Variants in DOP1B observed in about 807,000 individuals in gnomAD.
The protein encoded by DOP1B is DOP1 leucine zipper like protein B, also known as protein DOP1B.
DOP1B carries 174 observed loss-of-function variants against 233.5 expected under a neutral mutation model. The ratio of observed to expected loss-of-function variants is 0.75; its 90% confidence interval spans 0.66 to 0.85. DOP1B has a LOEUF of 0.85. DOP1B is among the 40% of genes least tolerant of loss of function. DOP1B has a pLI of 0.00. For synonymous variants in DOP1B, 1,190 were observed against 1,185.6 expected, an observed-to-expected ratio of 1.00 and a Z score of -0.08; for missense variants, 2,652 against 2,846.6, an observed-to-expected ratio of 0.93 and a Z score of 1.56.
chr21:36,251,719 C>A (rs1199573992), intron 22 of DOP1B, among the ~76,000 whole-genome samples: 1 of 152,160 alleles, frequency 6.6e-6, no homozygotes, highest in East Asian at 1.9e-4. Flanking sequence ...CCACACCTTG[C>A]CGATTTCATC....
chr21:36,212,083 A>G lies in DOP1B; in HGVS notation c.890A>G (p.Tyr297Cys). 5 of 1,610,896 alleles carry G rather than the reference A, an allele frequency of 3.1e-6. No homozygotes were observed. The highest frequency in any genetic ancestry group is 1.3e-5 in the African/African-American group (1 of 74,794). Residue 297 changes from tyrosine (Y) to cysteine (C), a missense_variant, in exon 7 of 37, where the codon TAT becomes TGT. Tyr to Cys is a radical substitution (Grantham distance 194). Transcript: ENST00000691173. Reference protein sequence around the residue: ...RRDMSLNRRLYAWLLGSDIKG... With the variant: ...RRDMSLNRRLCAWLLGSDIKG... ...GACATGTCCCTGAACAGAAGACTGTATGCATGGTTACTAGGTACTGAGCAG... is the reference window on the plus strand; with the variant it reads ...GACATGTCCCTGAACAGAAGACTGTGTGCATGGTTACTAGGTACTGAGCAG...
chr21:36,260,201 G>A (rs1017706461), intron 23 of DOP1B, among the ~76,000 whole-genome samples: 2 of 147,616 alleles, frequency 1.4e-5, no homozygotes, highest in Non-Finnish European at 3.0e-5. Context: ...AAAGAAAAAG[G>A]AAAGGGAAGG....
At chr21:36,276,687 A>G (rs920948993) in intron 27 of DOP1B, among the ~76,000 whole-genome samples, 2 of 151,986 alleles carry the variant, frequency 1.3e-5, no homozygotes, top group Admixed American at 1.3e-4. Context: ...CTAAAAATAC[A>G]AAAATTAGCC....
chr21:36,252,175 TAA>T (rs77251657), intron 22 of DOP1B, among the ~76,000 whole-genome samples: 4 of 147,362 alleles, frequency 2.7e-5, no homozygotes, highest in Admixed American at 1.4e-4. Flanking sequence ...AGTCCCTATC[TAA>T]AAAAAAAAAA....
At chr21:36,277,549 G>A (rs754706502) in intron 28 of DOP1B, among the ~76,000 whole-genome samples, 1 of 152,070 alleles carries the variant, frequency 6.6e-6, no homozygotes, top group Non-Finnish European at 1.5e-5. Context: ...CCAAAGAGCT[G>A]GGATTACAGG....
intron 15 of DOP1B, among the ~76,000 whole-genome samples, chr21:36,234,102 C>T (rs538612506): frequency 6.6e-6 from 1 of 152,142 alleles, no homozygotes; most frequent in South Asian, 2.1e-4. Context: ...GTTTGGGAGG[C>T]CCGCCTCAGC....
intron 13 of DOP1B, among the ~76,000 whole-genome samples, chr21:36,228,364 G>A (rs989889608): frequency 1.1e-4 from 16 of 152,138 alleles, no homozygotes; most frequent in Admixed American, 1.0e-3. Flanking sequence ...TTGGGAGGCT[G>A]AGGCTGGAGA....
chr21:36,209,448 C>T (rs552671900), intron 5 of DOP1B, among the ~76,000 whole-genome samples: 41 of 152,332 alleles, frequency 2.7e-4, no homozygotes, highest in African/African-American at 9.4e-4. Context: ...CTTCTGGAGG[C>T]CCCTGGCTTT....
At chr21:36,287,818 C>G (rs930210154) in intron 32 of DOP1B, among the ~76,000 whole-genome samples, 196 bp from the exon 33 acceptor site, 8 of 152,000 alleles carry the variant, frequency 5.3e-5, no homozygotes, top group Non-Finnish European at 1.0e-4. Context: ...AACTCCTTAT[C>G]TTGTTATCCG....
At chr21:36,227,649 C>A in intron 12 of DOP1B, 37 bp from the exon 13 acceptor site, 1 of 1,433,802 alleles carries the variant, frequency 7.0e-7, no homozygotes, top group South Asian at 1.6e-5. Flanking sequence ...GATTGTGAAC[C>A]AACATTGTGG....
chr21:36,281,061 T>C (rs2067410113), intron 31 of DOP1B, among the ~76,000 whole-genome samples: 1 of 152,130 alleles, frequency 6.6e-6, no homozygotes, highest in Non-Finnish European at 1.5e-5. Context: ...CCCAGCACTT[T>C]GAGTGGCTGA....
intron 2 of DOP1B, among the ~76,000 whole-genome samples, chr21:36,180,407 A>C (rs1169823335): frequency 6.6e-6 from 1 of 151,636 alleles, no homozygotes; most frequent in African/African-American, 2.4e-5. Context: ...CATCTTTACC[A>C]AAAATACAAA....
chr21:36,201,552 C>T (rs1601406794), intron 4 of DOP1B, among the ~76,000 whole-genome samples: 2 of 151,428 alleles, frequency 1.3e-5, no homozygotes, highest in East Asian at 2.0e-4. Flanking sequence ...TTCCCTCTGG[C>T]GGCCAGGCTG....
chr21:36,191,820 TA>T (rs1479692849), intron 2 of DOP1B, among the ~76,000 whole-genome samples: 1 of 152,060 alleles, frequency 6.6e-6, no homozygotes. Flanking sequence ...CTTACAGCCT[TA>T]GCCAGCAAGA....
At chr21:36,273,554 C>G (rs1223648698) in intron 27 of DOP1B, among the ~76,000 whole-genome samples, 1 of 152,062 alleles carries the variant, frequency 6.6e-6, no homozygotes, top group East Asian at 1.9e-4. Context: ...TGTTACAGAA[C>G]ATGTCCCCAA....
rs150098902 is a variant in DOP1B, at chr21:36,276,924, G to A, written c.5633-97G>A. Reference sequence around the variant, plus strand: ...TATGGACACAATTGGTATGAAAGGCGGGAGCTGATGGCTCACATTCATGCA... The same window carrying A: ...TATGGACACAATTGGTATGAAAGGCAGGAGCTGATGGCTCACATTCATGCA... On this transcript the variant is annotated intron_variant, in intron 27 of 36. Coordinates refer to ENST00000691173, the MANE Select transcript of DOP1B (RefSeq NM_001320714.2). 33 of 1,123,440 alleles carry A rather than the reference G, an allele frequency of 2.9e-5. No homozygotes were observed. The East Asian group carries it at 6.2e-4, about 21-fold the overall frequency. The allele number at this position is 1,123,440 out of a possible 1,614,324, so 69.6% of individuals were successfully genotyped here.
At chr21:36,207,490 G>GTTTT (rs1027284202) in intron 4 of DOP1B, among the ~76,000 whole-genome samples, 6 of 120,950 alleles carry the variant, frequency 5.0e-5, no homozygotes, top group African/African-American at 1.8e-4. Flanking sequence ...CAGCCAAACA[G>GTTTT]TTTTTTTTGT....
chr21:36,209,085 G>A (rs1337873380), intron 5 of DOP1B, among the ~76,000 whole-genome samples, 181 bp downstream of exon 5: 2 of 152,204 alleles, frequency 1.3e-5, no homozygotes, highest in Admixed American at 1.3e-4. Flanking sequence ...GTTGAGGCTG[G>A]TGGTGGCTTT....
intron 23 of DOP1B, among the ~76,000 whole-genome samples, chr21:36,258,184 G>C (rs908232951): frequency 2.0e-5 from 3 of 152,028 alleles, no homozygotes; most frequent in African/African-American, 7.3e-5. Context: ...CCGAAGCAGG[G>C]GGATTGCTTG....
Sources: gnomAD v4.1 joint callset for allele counts (sites outside exome capture counted in the v4.1 genomes callset) on GRCh38, gnomAD v4.1.1 for gene constraint, MANE v1.5 for transcripts, NCBI Gene and HGNC (gene_info 2026-07-23, HGNC 2026-07-21) for gene names.